TMEM98: variants seen among roughly 807,000 people sequenced by gnomAD.
TMEM98 encodes transmembrane protein 98.
TMEM98 carries 18 observed loss-of-function variants against 25.0 expected under a neutral mutation model. The observed-to-expected ratio is 0.72, with a 90% confidence interval of 0.50 to 1.07. The LOEUF is 1.07. Among genes scored for constraint, TMEM98 ranks in the 50% least tolerant of loss-of-function variants. The probability of loss-of-function intolerance (pLI) is 0.00; values close to 1 mark genes in which losing one functional copy is unlikely to be tolerated. For synonymous variants in TMEM98, 103 were observed against 112.4 expected, an observed-to-expected ratio of 0.92 and a Z score of 0.53; for missense variants, 241 against 289.0, an observed-to-expected ratio of 0.83 and a Z score of 1.20.
rs2091531676 is a variant in TMEM98 at position 32,941,610 on chromosome 17, C to G, written c.*617C>G. 3 of 152,216 alleles carry G rather than the reference C, an allele frequency of 2.0e-5. No individual in the cohort carries two copies. Among genetic ancestry groups the G allele is most frequent in the Admixed American group, 2.0e-4 (3 of 15,290 alleles). 9.4% of individuals were successfully genotyped at this position (152,216 alleles called of 1,614,324 possible). A position where few individuals can be genotyped will look rare whatever the true frequency, so the allele number is the denominator to read the frequency against. The stretch of plus-strand genomic sequence containing the variant: ...TATGCCTGCAATTTTACCTAGCTAC[C>G]ACTAGGTGGATAGTAAATTTATACT... On this transcript the variant is annotated 3_prime_UTR_variant, in exon 8 of 8. Coordinates refer to ENST00000579849, the MANE Select transcript of TMEM98 (RefSeq NM_015544.3).
intron 5 of TMEM98, 109 bp from the exon 6 acceptor site, chr17:32,936,223 G>A: frequency 1.2e-6 from 1 of 828,644 alleles, no homozygotes; most frequent in Non-Finnish European, 1.9e-6. Flanking sequence ...CATTAGGTTG[G>A]GGGCCAGCTG....
chr17:32,940,807 T>C lies in TMEM98; in HGVS notation c.495T>C (p.Ser165=). ...LDARTTALLL[S]VSHLVLVTRN... Reference sequence around the variant, plus strand: ...CTAGGACGACTGCCCTGCTCCTGTCTGTCAGTCACCTGGTGCTGGTGACAA... The same window carrying C: ...CTAGGACGACTGCCCTGCTCCTGTCCGTCAGTCACCTGGTGCTGGTGACAA... Residue 165 remains serine, a synonymous_variant, in exon 8 of 8, where the codon TCT becomes TCC. Transcript: ENST00000579849. The C allele has an allele frequency of 6.2e-7, 1 of 1,614,100 alleles. No individual in the cohort carries two copies. The highest frequency in any genetic ancestry group is 8.5e-7 in the Non-Finnish European group (1 of 1,179,972).
At position 32,931,746 on chromosome 17, in the gene TMEM98, C is replaced by G. The variant is rs1441865797; in HGVS notation, c.131+87C>G. The G allele has an allele frequency of 3.4e-6, 5 of 1,490,686 alleles. No homozygotes were observed. In the South Asian group the frequency reaches 5.2e-5, roughly 16 times the overall value. The allele number at this position is 1,490,686 out of a possible 1,614,324, so 92.3% of individuals were successfully genotyped here. The stretch of plus-strand genomic sequence containing the variant: ...ACACGTAGTTCAGTGTTGGGCAACT[C>G]TAACTCAGCTTTTTGGTTCTAAAAT... On this transcript the variant is annotated intron_variant, in intron 3 of 7. Transcript: ENST00000579849.
intron 6 of TMEM98, among the ~76,000 whole-genome samples, 199 bp from the exon 7 acceptor site, chr17:32,939,278 G>A (rs186294754): frequency 3.4e-4 from 51 of 152,058 alleles, no homozygotes; most frequent in Non-Finnish European, 2.1e-4. Flanking sequence ...ATGGTGGCGC[G>A]TGCCTGTAAT....
At chr17:32,936,518 G>C in intron 6 of TMEM98, 71 bp downstream of exon 6, 1 of 1,287,240 alleles carries the variant, frequency 7.8e-7, no homozygotes, top group Non-Finnish European at 1.1e-6. Context: ...TGGGGTAGCC[G>C]CAGAGCTGGG....
At position 32,941,094 on chromosome 17, in the gene TMEM98, G is replaced by A. The variant is rs980075425; in HGVS notation, c.*101G>A. ...TCCTATAGAGTTAGTTGTTCTCCACGGCTGGAGAGTTCAGCTGTGTGTGCA... is the reference window on the plus strand; with the variant it reads ...TCCTATAGAGTTAGTTGTTCTCCACAGCTGGAGAGTTCAGCTGTGTGTGCA... On this transcript the variant is annotated 3_prime_UTR_variant, in exon 8 of 8. Transcript: ENST00000579849. The A allele has an allele frequency of 6.0e-6, 6 of 993,466 alleles. No homozygotes were observed. Among genetic ancestry groups the A allele is most frequent in the African/African-American group, 3.3e-5 (2 of 61,136 alleles). 61.5% of individuals were successfully genotyped at this position (993,466 alleles called of 1,614,324 possible). A position where few individuals can be genotyped will look rare whatever the true frequency, so the allele number is the denominator to read the frequency against.
At chr17:32,937,578 T>G (rs995100097) in intron 6 of TMEM98, among the ~76,000 whole-genome samples, 11 of 152,210 alleles carry the variant, frequency 7.2e-5, no homozygotes, top group Middle Eastern at 6.8e-3. Context: ...GGGCATTCCT[T>G]CCCCATTATT....
At chr17:32,939,397 ACT>A in intron 6 of TMEM98, 78 bp from the exon 7 acceptor site, 1 of 1,469,144 alleles carries the variant, frequency 6.8e-7, no homozygotes, top group Non-Finnish European at 9.3e-7. Flanking sequence ...ACAGAGCGAG[ACT>A]CTGTCTCAGG....
chr17:32,936,382 G>A lies in TMEM98; in HGVS notation c.348G>A (p.Gly116=). ...TTGTTGCCATGACAATGGGCTCTGGGGCCAAGATGAAGACTTCAGCCAGTG... is the reference window on the plus strand; with the variant it reads ...TTGTTGCCATGACAATGGGCTCTGGAGCCAAGATGAAGACTTCAGCCAGTG... ...EKLVAMTMGS[G]AKMKTSASVS... Residue 116 remains glycine, a synonymous_variant, in exon 6 of 8, where the codon GGG becomes GGA. Coordinates refer to ENST00000579849, the MANE Select transcript of TMEM98 (RefSeq NM_015544.3). 6.2e-7 allele frequency: 1 copy of A among 1,614,184 alleles called. No individual in the cohort carries two copies. Among genetic ancestry groups the A allele is most frequent in the Non-Finnish European group, 8.5e-7 (1 of 1,180,034 alleles).
chr17:32,938,164 T>A (rs1167655686), intron 6 of TMEM98, among the ~76,000 whole-genome samples: 1 of 152,214 alleles, frequency 6.6e-6, no homozygotes. Context: ...ACTTCTAGAA[T>A]GCTCCGTGCC....
In TMEM98 at chr17:32,944,270, C is replaced by G. The variant is rs1463907584; in HGVS notation, c.*3277C>G. The G allele has an allele frequency of 6.6e-6, 1 of 152,252 alleles. No homozygotes were observed. Among genetic ancestry groups the G allele is most frequent in the Admixed American group, 6.5e-5 (1 of 15,286 alleles). 9.4% of individuals were successfully genotyped at this position (152,252 alleles called of 1,614,324 possible). On this transcript the variant is annotated 3_prime_UTR_variant, in exon 8 of 8. Coordinates refer to ENST00000579849, the MANE Select transcript of TMEM98 (RefSeq NM_015544.3). ...GGGGAAAGTGTCAGATGAAGAATTT[C>G]TATCCTCCTCACCTCCTCCCTGTCT...
At chr17:32,935,430 A>C (rs1350734950) in intron 5 of TMEM98, among the ~76,000 whole-genome samples, 1 of 152,198 alleles carries the variant, frequency 6.6e-6, no homozygotes, top group Non-Finnish European at 1.5e-5. Context: ...GTGGTGTGAG[A>C]TGAATCAGCT....
At chr17:32,933,361 G>T (rs773421759) in intron 4 of TMEM98, 56 bp downstream of exon 4, 60 of 1,608,944 alleles carry the variant, frequency 3.7e-5, no homozygotes, top group Non-Finnish European at 4.8e-5. Flanking sequence ...GCCCTTTGCT[G>T]GTGTCCTTTG....
chr17:32,933,746 G>T (rs568110883), intron 4 of TMEM98, among the ~76,000 whole-genome samples: 2 of 152,346 alleles, frequency 1.3e-5, no homozygotes, highest in African/African-American at 4.8e-5. Flanking sequence ...GGGGCATTAT[G>T]TGGAGGGTAC....
chr17:32,936,262 T>A, intron 5 of TMEM98, 70 bp from the exon 6 acceptor site: 2 of 1,265,970 alleles, frequency 1.6e-6, no homozygotes, highest in Middle Eastern at 2.2e-4. Flanking sequence ...GGCTGATTTG[T>A]CTCGTGGGGG....
intron 1 of TMEM98, among the ~76,000 whole-genome samples, chr17:32,929,359 C>G (rs556348109): frequency 6.6e-6 from 1 of 151,966 alleles, no homozygotes; most frequent in Non-Finnish European, 1.5e-5. Flanking sequence ...TCAGAACGCA[C>G]AGGAAGAGAG....
Position 32,933,211 on chromosome 17 carries a change from T to G in TMEM98, c.169T>G (p.Ser57Ala), listed in dbSNP as rs2091478989. The G allele has an allele frequency of 6.2e-7, 1 of 1,614,094 alleles. No individual in the cohort carries two copies. Among genetic ancestry groups the G allele is most frequent in the African/African-American group, 1.3e-5 (1 of 74,940 alleles). Residue 57 changes from serine (S) to alanine (A), a missense_variant, in exon 4 of 8, where the codon TCT becomes GCT. Ser to Ala is a moderately conservative substitution (Grantham distance 99, BLOSUM62 1). Transcript: ENST00000579849. Reference sequence around the variant, plus strand: ...CCTCATTGGTGCCATGGAGACCCAGTCTGAGCCCTCTGAGTTAGAACTGGA... The same window carrying G: ...CCTCATTGGTGCCATGGAGACCCAGGCTGAGCCCTCTGAGTTAGAACTGGA... ...VDLIGAMETQ[S>A]EPSELELDDV...
intron 3 of TMEM98, among the ~76,000 whole-genome samples, chr17:32,932,258 G>A (rs1025573254): frequency 4.0e-5 from 6 of 151,800 alleles, no homozygotes; most frequent in Non-Finnish European, 8.8e-5. Flanking sequence ...GCACCACCAC[G>A]CCCAGCTAAT....
chr17:32,939,420 A>AAATG, intron 6 of TMEM98, 57 bp from the exon 7 acceptor site: 1 of 1,461,956 alleles, frequency 6.8e-7, no homozygotes, highest in Non-Finnish European at 9.3e-7. Context: ...AAAAAAAAAA[A>AAATG]AAGGAGAAAA....
Sources: allele counts gnomAD v4.1 joint callset (sites outside exome capture counted in the v4.1 genomes callset), GRCh38; gene constraint gnomAD v4.1.1; transcripts MANE v1.5; gene names NCBI Gene and HGNC (gene_info 2026-07-23, HGNC 2026-07-21).